Variants in TOX2 observed in about 807,000 individuals in gnomAD.
TOX2 encodes the protein TOX high mobility group box family member 2, also known as granulosa cell HMG box 1.
Under a neutral mutation model 47.4 loss-of-function variants are expected in TOX2, and 15 were observed. That is an observed-to-expected ratio of 0.32 (90% CI 0.21 to 0.49). The LOEUF is 0.49. Ranked by LOEUF, TOX2 falls within the 20% of genes least tolerant of loss-of-function variation. The pLI, the probability that TOX2 is intolerant of heterozygous loss-of-function variation, is 0.99. For synonymous variants in TOX2, 290 were observed against 296.6 expected, an observed-to-expected ratio of 0.98 and a Z score of 0.23; for missense variants, 622 against 673.1, an observed-to-expected ratio of 0.92 and a Z score of 0.84.
chr20:44,022,613 A>T (rs987350182), intron 3 of TOX2, among the ~76,000 whole-genome samples: 1 of 152,146 alleles, frequency 6.6e-6, no homozygotes, highest in Non-Finnish European at 1.5e-5. Flanking sequence ...TTGCAGTTCC[A>T]TGCCTTATTG....
chr20:43,985,971 C>T (rs375122763), intron 2 of TOX2, among the ~76,000 whole-genome samples: 1 of 152,158 alleles, frequency 6.6e-6, no homozygotes. Context: ...AGGAAGGTTG[C>T]TGTGCATTGG....
intron 1 of TOX2, among the ~76,000 whole-genome samples, chr20:43,945,135 G>A (rs905945704): frequency 2.6e-5 from 4 of 151,790 alleles, no homozygotes; most frequent in South Asian, 2.1e-4. Flanking sequence ...TGTAATACAC[G>A]CTTGTGGTAA....
In TOX2 at chr20:44,066,787, T is replaced by C. The variant is rs1182114716; in HGVS notation, c.1414T>C (p.Ser472Pro). 5.0e-6 allele frequency: 8 copies of C among 1,614,138 alleles called. No homozygotes were observed. Among genetic ancestry groups the C allele is most frequent in the Non-Finnish European group, 6.8e-6 (8 of 1,180,008 alleles). ...SSSGSCSPGPSNPTSSGDWDS... is the reference protein window; with the variant it reads ...SSSGSCSPGPPNPTSSGDWDS... ...CTCGGGATCCTGCTCACCTGGCCCA[T>C]CCAACCCCACCAGCAGCGGGGACTG... Residue 472 changes from serine to proline, a missense_variant, in exon 8 of 9, where the codon TCC (serine) becomes CCC (proline). Transcript: ENST00000341197.
Position 44,065,970 on chromosome 20 carries a change from T to C in TOX2, c.1219T>C (p.Ser407Pro), listed in dbSNP as rs765146134. The part of the protein sequence containing the change: ...PLSPTLHQQL[S>P]LPPHAQGALL... The stretch of plus-strand genomic sequence containing the variant: ...CAGCCCCACACTGCACCAGCAGCTG[T>C]CACTGCCCCCTCACGCCCAGGGCGC... The change falls in exon 7 of 9, where the codon TCA (serine) becomes CCA (proline). Residue 407 changes from serine to proline, a missense_variant. By Grantham distance (74) the Ser-to-Pro change is moderately conservative. Around this residue, in one of 3 missense-constraint regions of TOX2, gnomAD observed 294 missense variants for 300.0 expected, o/e 0.98. Transcript: ENST00000341197. 1 of 1,613,366 alleles carries C rather than the reference T, an allele frequency of 6.2e-7. No homozygotes were observed. The highest frequency in any genetic ancestry group is 2.2e-5 in the East Asian group (1 of 44,878).
At chr20:44,045,207 G>T (rs1163987618) in intron 3 of TOX2, among the ~76,000 whole-genome samples, 5 of 152,116 alleles carry the variant, frequency 3.3e-5, no homozygotes, top group African/African-American at 1.2e-4. Context: ...CTGCATAATG[G>T]CGTGAACATA....
At chr20:43,940,308 T>C (rs975619136) in intron 1 of TOX2, among the ~76,000 whole-genome samples, 5 of 151,948 alleles carry the variant, frequency 3.3e-5, no homozygotes, top group African/African-American at 1.2e-4. Flanking sequence ...CTTGAACTCC[T>C]GGGCTCAAGT....
intron 2 of TOX2, among the ~76,000 whole-genome samples, chr20:43,995,560 G>T (rs1306224427): frequency 6.6e-6 from 1 of 152,136 alleles, no homozygotes; most frequent in African/African-American, 2.4e-5. Flanking sequence ...GTGAAGGTTT[G>T]TTATATAGGT....
chr20:44,001,404 G>A (rs2070580263), intron 2 of TOX2, among the ~76,000 whole-genome samples: 1 of 152,188 alleles, frequency 6.6e-6, no homozygotes, highest in African/African-American at 2.4e-5. Flanking sequence ...TAGGTACTCA[G>A]GACAAGTTGT....
Position 44,002,742 on chromosome 20 carries a change from G to C in TOX2, c.166-3805G>C, listed in dbSNP as rs371630307. ...TGGGAGAAGGTGAAGGGGGGAGCAGGCATGTCACACGGCAGGAGAATGAGA... is the reference window on the plus strand; with the variant it reads ...TGGGAGAAGGTGAAGGGGGGAGCAGCCATGTCACACGGCAGGAGAATGAGA... On this transcript the variant is annotated intron_variant, in intron 2 of 8. Coordinates refer to ENST00000341197, the MANE Select transcript of TOX2 (RefSeq NM_001098797.2). Among the ~76,000 whole-genome samples, 61 of 152,296 alleles carry C rather than the reference G, an allele frequency of 4.0e-4. 1 individual carries two copies. The highest frequency in any genetic ancestry group is 1.3e-3 in the African/African-American group (55 of 41,552).
intron 3 of TOX2, among the ~76,000 whole-genome samples, chr20:44,019,208 A>G (rs8115811): frequency 0.012 from 1,783 of 152,322 alleles, 36 homozygotes; most frequent in African/African-American, 0.041. Context: ...ACCCTATAGC[A>G]TCTTCTGTCT....
At chr20:43,935,931 A>C (rs1318725359) in intron 1 of TOX2, among the ~76,000 whole-genome samples, 2 of 94,716 alleles carry the variant, frequency 2.1e-5, no homozygotes, top group Non-Finnish European at 3.7e-5. Context: ...CCATCCCAAA[A>C]AAAAAAAAAA....
chr20:43,951,762 A>T (rs1437523471), intron 1 of TOX2, among the ~76,000 whole-genome samples: 1 of 120,546 alleles, frequency 8.3e-6, no homozygotes, highest in Non-Finnish European at 1.6e-5. Flanking sequence ...ACCAGGCTCT[A>T]GTGCAGTGGC....
intron 2 of TOX2, among the ~76,000 whole-genome samples, chr20:43,992,961 G>A (rs2070396640): frequency 6.6e-6 from 1 of 152,022 alleles, no homozygotes; most frequent in Non-Finnish European, 1.5e-5. Flanking sequence ...CTGAGCTCGT[G>A]GTCCTCCTTA....
intron 2 of TOX2, among the ~76,000 whole-genome samples, chr20:43,994,157 G>C (rs2145560581): frequency 6.6e-6 from 1 of 150,678 alleles, no homozygotes; most frequent in Non-Finnish European, 1.5e-5. Flanking sequence ...TCTCGAAAAA[G>C]AAAATTCAAT....
At chr20:44,020,129 T>C (rs2070952738) in intron 3 of TOX2, among the ~76,000 whole-genome samples, 1 of 152,142 alleles carries the variant, frequency 6.6e-6, no homozygotes, top group Non-Finnish European at 1.5e-5. Flanking sequence ...AATGAGACAT[T>C]AGAGATGCTA....
chr20:44,051,693 G>A, intron 4 of TOX2, 148 bp downstream of exon 4: 1 of 1,271,682 alleles, frequency 7.9e-7, no homozygotes, highest in Non-Finnish European at 1.0e-6. Flanking sequence ...CCACTGAGCA[G>A]GCGTTCCTGG....
intron 3 of TOX2, among the ~76,000 whole-genome samples, chr20:44,038,786 C>G (rs1270731386): frequency 6.6e-6 from 1 of 152,140 alleles, no homozygotes; most frequent in Non-Finnish European, 1.5e-5. Flanking sequence ...TTTTCTTGTT[C>G]TCTCCTCACT....
At chr20:44,061,149 G>C (rs1303131991) in intron 5 of TOX2, among the ~76,000 whole-genome samples, 3 of 152,034 alleles carry the variant, frequency 2.0e-5, no homozygotes. Context: ...AGAAAACCTA[G>C]AGGAGATGGA....
chr20:44,010,641 T>A (rs904413473), intron 3 of TOX2, among the ~76,000 whole-genome samples: 1 of 152,210 alleles, frequency 6.6e-6, no homozygotes, highest in African/African-American at 2.4e-5. Context: ...GCATACACGC[T>A]ACGTGGGTGA....
Sources: gnomAD v4.1 joint callset for allele counts (sites outside exome capture counted in the v4.1 genomes callset) on GRCh38, gnomAD v4.1.1 for gene constraint, gnomAD v4.1.1 regional missense constraint, MANE v1.5 for transcripts, NCBI Gene and HGNC (gene_info 2026-07-23, HGNC 2026-07-21) for gene names.